Variants in MORC1 observed in about 807,000 individuals in gnomAD.
MORC1 encodes the protein MORC family CW-type zinc finger protein 1.
In MORC1, 59 loss-of-function variants were observed where a neutral mutation model predicts 134.9. That is an observed-to-expected ratio of 0.44 (90% confidence interval 0.35 to 0.54). The LOEUF (loss-of-function observed/expected upper bound fraction) is 0.54. MORC1 is among the 20% of genes least tolerant of loss of function. MORC1 has a pLI of 0.00. For synonymous variants in MORC1, 395 were observed against 391.7 expected (o/e 1.01, Z -0.10); for missense variants, 947 against 1,134.5 (o/e 0.83, Z 2.37).
intron 14 of MORC1, among the ~76,000 whole-genome samples, chr3:109,051,464 C>T (rs1171083801): frequency 6.6e-6 from 1 of 152,174 alleles, no homozygotes; most frequent in African/African-American, 2.4e-5. Flanking sequence ...ATTCTCCTTA[C>T]AAATTACTAA....
At chr3:109,006,507 G>A (rs1159820303) in intron 18 of MORC1, among the ~76,000 whole-genome samples, 2 of 152,194 alleles carry the variant, frequency 1.3e-5, no homozygotes, top group Admixed American at 1.3e-4. Context: ...TGCCTGTTAA[G>A]AAATGTGAAT....
intron 7 of MORC1, among the ~76,000 whole-genome samples, chr3:109,094,388 G>A (rs1559948768): frequency 6.6e-6 from 1 of 152,090 alleles, no homozygotes; most frequent in Non-Finnish European, 1.5e-5. Flanking sequence ...CTAAATCCTG[G>A]ATCAACTGTG....
chr3:109,013,615 C>T (rs112519735), intron 17 of MORC1, among the ~76,000 whole-genome samples: 30 of 152,258 alleles, frequency 2.0e-4, no homozygotes, highest in Middle Eastern at 3.4e-3. Context: ...GATATGCTAC[C>T]GCTGGGCTCT....
chr3:108,989,640 C>A (rs1045499657), intron 21 of MORC1, among the ~76,000 whole-genome samples: 1 of 152,108 alleles, frequency 6.6e-6, no homozygotes, highest in Non-Finnish European at 1.5e-5. Flanking sequence ...TACTTCTACT[C>A]CTTTACCTCT....
At chr3:109,071,995 C>T (rs974673444) in intron 8 of MORC1, among the ~76,000 whole-genome samples, 68 of 152,154 alleles carry the variant, frequency 4.5e-4, no homozygotes, top group African/African-American at 1.6e-3. Context: ...TAACCCTTTT[C>T]TCTCACATGC....
At position 109,014,083 on chromosome 3, in the gene MORC1, T is replaced by C. The variant is rs11924936; in HGVS notation, c.1705-6992A>G. Among the ~76,000 whole-genome samples, 1,006 of 152,334 alleles carry C rather than the reference T, an allele frequency of 6.6e-3. 15 individuals carry two copies. Among genetic ancestry groups the C allele is most frequent in the African/African-American group, 0.023 (972 of 41,566 alleles). On this transcript the variant is annotated intron_variant, in intron 17 of 27. Transcript: ENST00000232603. ...CACAAAAGAGACTAAGACAGTTTCC[T>C]AGTTTGACTAAAATTTCAGTTTGCA...
At chr3:109,039,080 C>T (rs141125225) in intron 14 of MORC1, among the ~76,000 whole-genome samples, 2 of 152,174 alleles carry the variant, frequency 1.3e-5, no homozygotes, top group African/African-American at 2.4e-5. Flanking sequence ...TAATGCCTGG[C>T]TAATTTTTGT....
At chr3:109,104,371 T>C (rs1950982860) in intron 3 of MORC1, among the ~76,000 whole-genome samples, 1 of 152,204 alleles carries the variant, frequency 6.6e-6, no homozygotes, top group African/African-American at 2.4e-5. Flanking sequence ...TTCTAAGTAG[T>C]TAATTCTCAT....
chr3:109,063,598 T>C (rs1950131529), intron 9 of MORC1, among the ~76,000 whole-genome samples: 1 of 152,180 alleles, frequency 6.6e-6, no homozygotes, highest in South Asian at 2.1e-4. Context: ...TGATCGACAC[T>C]GGATAAACTA....
chr3:108,991,049 T>C (rs1284810697), intron 21 of MORC1, among the ~76,000 whole-genome samples: 1 of 152,126 alleles, frequency 6.6e-6, no homozygotes, highest in Non-Finnish European at 1.5e-5. Context: ...GTGGCTACAG[T>C]AGACTAAGAG....
intron 14 of MORC1, among the ~76,000 whole-genome samples, chr3:109,052,072 T>C (rs6791416): frequency 0.2 from 30,970 of 152,118 alleles, 3,498 homozygotes; most frequent in Middle Eastern, 0.33. Flanking sequence ...ATGGGGAGGT[T>C]CATGATTTTC....
intron 8 of MORC1, among the ~76,000 whole-genome samples, chr3:109,083,675 G>T (rs986442766): frequency 6.6e-6 from 1 of 152,072 alleles, no homozygotes; most frequent in African/African-American, 2.4e-5. Flanking sequence ...GGCCAGCATT[G>T]CCCTGATACC....
intron 14 of MORC1, among the ~76,000 whole-genome samples, chr3:109,048,728 A>T (rs1331739973): frequency 6.6e-6 from 1 of 151,094 alleles, no homozygotes; most frequent in Non-Finnish European, 1.5e-5. Context: ...GTGTCCTCAC[A>T]TGTTTTTTTC....
chr3:109,079,925 T>C (rs1950492077), intron 8 of MORC1, among the ~76,000 whole-genome samples: 2 of 152,074 alleles, frequency 1.3e-5, no homozygotes, highest in Admixed American at 6.6e-5. Flanking sequence ...ATACTAGAAC[T>C]ATATGAAGAA....
intron 20 of MORC1, 30 bp downstream of exon 20, chr3:109,004,787 T>A (rs1374523739): frequency 6.3e-7 from 1 of 1,596,734 alleles, no homozygotes; most frequent in Non-Finnish European, 8.6e-7. Flanking sequence ...TATTTCTCCC[T>A]TAAATACAAA....
In MORC1 at chr3:109,035,413, A is replaced by G. The variant is rs3762696; in HGVS notation, c.1386T>C (p.Asp462=). 614,289 of 1,536,546 alleles carry G rather than the reference A, an allele frequency of 0.4. 128,274 individuals are homozygous for G. The highest frequency in any genetic ancestry group is 0.55 in the Middle Eastern group (3,232 of 5,834). The change falls in exon 15 of 28, where the codon GAT becomes GAC. Residue 462 remains aspartate (D), a synonymous_variant. Transcript: ENST00000232603. ...CNEFGYQNDI[D]VEKPLNSFQY... Reference sequence around the variant, plus strand: ...GAAAAGAATTTAAAGGTTTCTCCACATCGATGTCATTCTGGTATCCAAATT... The same window carrying G: ...GAAAAGAATTTAAAGGTTTCTCCACGTCGATGTCATTCTGGTATCCAAATT...
At chr3:109,070,363 G>A (rs947779280) in intron 8 of MORC1, among the ~76,000 whole-genome samples, 3 of 152,096 alleles carry the variant, frequency 2.0e-5, no homozygotes, top group Admixed American at 6.6e-5. Flanking sequence ...GCAATAAAAC[G>A]GAAGCAAAAC....
chr3:109,050,748 T>G (rs963772692), intron 14 of MORC1, among the ~76,000 whole-genome samples: 10 of 152,200 alleles, frequency 6.6e-5, no homozygotes, highest in South Asian at 2.1e-4. Flanking sequence ...ATTTTTTTAA[T>G]AGTGTTGTGC....
chr3:109,028,422 C>A (rs1949144758), intron 16 of MORC1, among the ~76,000 whole-genome samples: 1 of 152,134 alleles, frequency 6.6e-6, no homozygotes, highest in Non-Finnish European at 1.5e-5. Context: ...AAGCCCCTTC[C>A]CCAAATCGCC....
Sources: gnomAD v4.1 joint callset for allele counts (sites outside exome capture counted in the v4.1 genomes callset) on GRCh38, gnomAD v4.1.1 for gene constraint, MANE v1.5 for transcripts, NCBI Gene and HGNC (gene_info 2026-07-23, HGNC 2026-07-21) for gene names.